Variants in NAALADL2 observed in about 807,000 individuals in gnomAD.
The protein encoded by NAALADL2 is N-acetylated alpha-linked acidic dipeptidase like 2, also known as inactive N-acetylated-alpha-linked acidic dipeptidase-like protein 2.
Under a neutral mutation model 87.2 loss-of-function variants are expected in NAALADL2, and 76 were observed. The ratio of observed to expected loss-of-function variants is 0.87; its 90% confidence interval spans 0.72 to 1.05. NAALADL2 has a LOEUF of 1.05. Ranked by LOEUF, NAALADL2 falls within the 50% of genes least tolerant of loss-of-function variation. NAALADL2 has a pLI of 0.00. For missense variants in NAALADL2, 1,089 were observed against 945.8 expected (o/e 1.15, Z -1.99); for synonymous variants, 354 against 331.0 (o/e 1.07, Z -0.75).
At position 174,608,588 on chromosome 3, in the gene NAALADL2, A is replaced by C. The variant is rs1200114412; in HGVS notation, c.-115+57951A>C. On this transcript the variant is annotated intron_variant, in intron 2 of 3. Coordinates refer to the NAALADL2 transcript ENST00000434257. The stretch of plus-strand genomic sequence containing the variant: ...AAGAAATGGATAAATTCCTTGACAC[A>C]TACACCCTCCCAAGACTAAACCAGG... Among the ~76,000 whole-genome samples the C allele has an allele frequency of 3.3e-5, 5 of 152,272 alleles. No homozygotes were observed. The East Asian group carries it at 9.7e-4, about 29-fold the overall frequency.
chr3:175,176,637 C>G (rs921805694), intron 2 of NAALADL2, among the ~76,000 whole-genome samples: 2 of 151,924 alleles, frequency 1.3e-5, no homozygotes, highest in African/African-American at 4.8e-5. Context: ...CTCTTTCTTT[C>G]CCTTGAGAAA....
intron 1 of NAALADL2, among the ~76,000 whole-genome samples, chr3:175,074,979 T>C (rs1716331935): frequency 6.6e-6 from 1 of 151,904 alleles, no homozygotes; most frequent in Non-Finnish European, 1.5e-5. Context: ...AAAAATAAAA[T>C]AGGTGTTAGA....
chr3:175,586,101 A>G (rs1301913148), intron 10 of NAALADL2, among the ~76,000 whole-genome samples: 1 of 152,182 alleles, frequency 6.6e-6, no homozygotes, highest in East Asian at 1.9e-4. Context: ...GATGATGACT[A>G]TGGCCATGAA....
intron 2 of NAALADL2, among the ~76,000 whole-genome samples, chr3:174,681,658 G>A (rs111600091): frequency 8.0e-4 from 122 of 152,254 alleles, no homozygotes; most frequent in African/African-American, 2.7e-3. Flanking sequence ...CTGGCTACTC[G>A]CCATGATCCT....
At chr3:175,660,258 C>T (rs1432059363) in intron 11 of NAALADL2, among the ~76,000 whole-genome samples, 1 of 152,136 alleles carries the variant, frequency 6.6e-6, no homozygotes, top group South Asian at 2.1e-4. Flanking sequence ...AACATTCACA[C>T]TATAGCACCA....
At chr3:175,607,525 G>A (rs1372828323) in intron 10 of NAALADL2, among the ~76,000 whole-genome samples, 1 of 152,050 alleles carries the variant, frequency 6.6e-6, no homozygotes, top group African/African-American at 2.4e-5. Context: ...AAAGGCAATA[G>A]AGTATACAGA....
chr3:175,543,314 C>G (rs1712711388), intron 9 of NAALADL2, among the ~76,000 whole-genome samples: 1 of 151,896 alleles, frequency 6.6e-6, no homozygotes, highest in Non-Finnish European at 1.5e-5. Context: ...AGACCTGCTG[C>G]AGTAAAAAAT....
At position 175,447,366 on chromosome 3, in the gene NAALADL2, A is replaced by G. The variant is rs1720871887; in HGVS notation, c.1228A>G (p.Asn410Asp). ...NEACSSLELP[N>D]NEIRVVSMQV... The stretch of plus-strand genomic sequence containing the variant: ...AGCGTGTAGCTCTCTAGAGCTTCCA[A>G]ATAATGGTAAAGTATTTAATGTCGT... The change falls in exon 6 of 14, where the codon AAT (asparagine) becomes GAT (aspartate). Residue 410 changes from asparagine (N) to aspartate (D), a missense_variant. Asn to Asp is a conservative substitution (Grantham distance 23). Coordinates refer to ENST00000454872, the MANE Select transcript of NAALADL2 (RefSeq NM_207015.3). 6.4e-7 allele frequency: 1 copy of G among 1,558,552 alleles called. No individual in the cohort carries two copies.
chr3:174,686,022 G>C (rs570113664), intron 2 of NAALADL2, among the ~76,000 whole-genome samples: 2 of 152,082 alleles, frequency 1.3e-5, no homozygotes, highest in South Asian at 4.2e-4. Context: ...TGGCTGTATA[G>C]TATTCCATGG....
chr3:174,604,357 T>C (rs965024634), intron 2 of NAALADL2, among the ~76,000 whole-genome samples: 3 of 152,198 alleles, frequency 2.0e-5, no homozygotes, highest in Admixed American at 1.3e-4. Flanking sequence ...TTGAAATCTA[T>C]TTTTTCTGAT....
At chr3:174,478,874 G>A (rs1040920900) in intron 1 of NAALADL2, among the ~76,000 whole-genome samples, 4 of 152,046 alleles carry the variant, frequency 2.6e-5, no homozygotes, top group African/African-American at 9.7e-5. Flanking sequence ...ACCACACCCA[G>A]CTAATTTGTG....
At chr3:175,223,506 C>G (rs1743709566) in intron 2 of NAALADL2, among the ~76,000 whole-genome samples, 1 of 152,042 alleles carries the variant, frequency 6.6e-6, no homozygotes. Flanking sequence ...TTTATAGATA[C>G]CACATATTCT....
At chr3:174,939,493 A>G (rs1738240931) in intron 1 of NAALADL2, among the ~76,000 whole-genome samples, 1 of 151,782 alleles carries the variant, frequency 6.6e-6, no homozygotes. Flanking sequence ...TTTGGACTAT[A>G]TTTTGGTTCC....
chr3:175,664,377 C>G (rs1732676931), intron 11 of NAALADL2, among the ~76,000 whole-genome samples: 1 of 152,112 alleles, frequency 6.6e-6, no homozygotes, highest in Admixed American at 6.6e-5. Flanking sequence ...CTACTACTCT[C>G]TCTATCTATT....
At position 175,599,013 on chromosome 3, in the gene NAALADL2, G is replaced by C. The variant is rs541367371; in HGVS notation, c.1800+22826G>C. 2.0e-5 allele frequency among the ~76,000 whole-genome samples: 3 copies of C among 152,204 alleles called. No homozygotes were observed. In the South Asian group the frequency reaches 6.2e-4, roughly 32 times the overall value. ...TTTTATTCAACAATGTGAAGGCCTT[G>C]AGTGCAGGTGTTACTTAGCGCCTTG... is the stretch of plus-strand genomic sequence containing the variant. On this transcript the variant is annotated intron_variant, in intron 10 of 13. Transcript: ENST00000454872.
chr3:175,318,364 G>T (rs551392994), intron 4 of NAALADL2, among the ~76,000 whole-genome samples: 1 of 151,804 alleles, frequency 6.6e-6, no homozygotes, highest in Non-Finnish European at 1.5e-5. Flanking sequence ...CAGAAAAAAT[G>T]ATGGAACTTT....
chr3:175,161,014 T>C (rs1006477903), intron 2 of NAALADL2, among the ~76,000 whole-genome samples: 2 of 152,170 alleles, frequency 1.3e-5, no homozygotes, highest in Non-Finnish European at 2.9e-5. Context: ...TAAGTGAATT[T>C]AGTCAAATAT....
chr3:175,254,021 A>G (rs6786345), intron 3 of NAALADL2, among the ~76,000 whole-genome samples: 47,102 of 152,100 alleles, frequency 0.31, 8,325 homozygotes, highest in South Asian at 0.42. Context: ...ACAACAAAGG[A>G]TTTAGAATAC....
intron 5 of NAALADL2, among the ~76,000 whole-genome samples, chr3:175,423,073 T>C (rs1716069757): frequency 7.1e-6 from 1 of 140,876 alleles, no homozygotes; most frequent in South Asian, 2.2e-4. Context: ...TCCTGAGTTG[T>C]AGAACTGGAA....
Sources: gnomAD v4.1 joint callset for allele counts (sites outside exome capture counted in the v4.1 genomes callset) on GRCh38, gnomAD v4.1.1 for gene constraint, MANE v1.5 for transcripts, NCBI Gene and HGNC (gene_info 2026-07-23, HGNC 2026-07-21) for gene names.